Variants in DYNC1I1 observed in about 807,000 individuals in gnomAD.
DYNC1I1 encodes the protein dynein cytoplasmic 1 intermediate chain 1.
DYNC1I1 carries 43 observed loss-of-function variants against 86.6 expected under a neutral mutation model. The observed-to-expected ratio is 0.50, with a 90% CI of 0.39 to 0.64. The LOEUF (loss-of-function observed/expected upper bound fraction) is 0.64. DYNC1I1 is among the 30% of genes least tolerant of loss of function. The pLI, the probability that DYNC1I1 is intolerant of heterozygous loss-of-function variation, is 0.00. For synonymous variants in DYNC1I1, 262 were observed against 283.7 expected, an observed-to-expected ratio of 0.92 and a Z score of 0.77; for missense variants, 604 against 788.8, an observed-to-expected ratio of 0.77 and a Z score of 2.81.
intron 5 of DYNC1I1, among the ~76,000 whole-genome samples, chr7:95,833,946 A>G (rs1788997708): frequency 7.1e-6 from 1 of 141,144 alleles, no homozygotes; most frequent in African/African-American, 2.8e-5. Context: ...TCTTTTCCTA[A>G]TTGAATACCC....
intron 10 of DYNC1I1, among the ~76,000 whole-genome samples, chr7:96,014,326 G>A (rs1794351078): frequency 6.6e-6 from 1 of 152,164 alleles, no homozygotes; most frequent in Non-Finnish European, 1.5e-5. Context: ...TGAGTCTCCT[G>A]ACTCCCTTTT....
At chr7:96,066,537 T>G (rs1789995310) in intron 14 of DYNC1I1, among the ~76,000 whole-genome samples, 1 of 152,356 alleles carries the variant, frequency 6.6e-6, no homozygotes, top group South Asian at 2.1e-4. Context: ...GGAATTTATA[T>G]TCTTCCTTTC....
At chr7:95,967,015 G>A (rs898253226) in intron 6 of DYNC1I1, among the ~76,000 whole-genome samples, 1 of 152,048 alleles carries the variant, frequency 6.6e-6, no homozygotes, top group Non-Finnish European at 1.5e-5. Context: ...CTGAGAAAAC[G>A]TCCTTTTTAG....
At chr7:95,812,064 G>T (rs1170426339) in intron 3 of DYNC1I1, among the ~76,000 whole-genome samples, 2 of 152,170 alleles carry the variant, frequency 1.3e-5, no homozygotes, top group East Asian at 3.9e-4. Flanking sequence ...CCATCTCTTC[G>T]ACTTACCCTC....
At chr7:95,869,788 G>A (rs1790113499) in intron 5 of DYNC1I1, 95 bp from the exon 6 acceptor site, 1 of 1,185,068 alleles carries the variant, frequency 8.4e-7, no homozygotes, top group Non-Finnish European at 1.2e-6. Context: ...GAGGGTATTT[G>A]TGGTTTGTTT....
At chr7:96,003,127 G>A (rs1393836136) in intron 10 of DYNC1I1, among the ~76,000 whole-genome samples, 5 of 152,226 alleles carry the variant, frequency 3.3e-5, no homozygotes, top group African/African-American at 7.2e-5. Flanking sequence ...ACAGGCGTGA[G>A]CCATTGTACC....
intron 10 of DYNC1I1, among the ~76,000 whole-genome samples, chr7:95,998,206 C>T (rs1793918986): frequency 6.6e-6 from 1 of 152,306 alleles, no homozygotes; most frequent in East Asian, 1.9e-4. Context: ...TTAGAGGTTA[C>T]CCAGCTAGTG....
chr7:95,863,713 A>G (rs570124373), intron 5 of DYNC1I1, among the ~76,000 whole-genome samples: 2 of 152,118 alleles, frequency 1.3e-5, no homozygotes, highest in African/African-American at 4.8e-5. Context: ...CCTTCATCAC[A>G]TGTAGGCACA....
chr7:95,962,009 A>T (rs1205810173), intron 6 of DYNC1I1, among the ~76,000 whole-genome samples: 3 of 152,188 alleles, frequency 2.0e-5, no homozygotes, highest in South Asian at 2.1e-4. Flanking sequence ...ACCCACAAGT[A>T]AGCAGTCTGT....
intron 8 of DYNC1I1, among the ~76,000 whole-genome samples, chr7:95,986,628 A>C (rs1415198820): frequency 6.6e-6 from 1 of 152,162 alleles, no homozygotes; most frequent in Non-Finnish European, 1.5e-5. Flanking sequence ...AAAAACATGC[A>C]TATCATTTCC....
chr7:95,907,621 A>G (rs1240115617), intron 6 of DYNC1I1, among the ~76,000 whole-genome samples: 1 of 151,912 alleles, frequency 6.6e-6, no homozygotes, highest in Non-Finnish European at 1.5e-5. Context: ...AAAGCCCAAG[A>G]CTCATCTCCT....
chr7:95,893,267 G>A (rs1790791888), intron 6 of DYNC1I1, among the ~76,000 whole-genome samples: 1 of 152,130 alleles, frequency 6.6e-6, no homozygotes, highest in African/African-American at 2.4e-5. Context: ...ATATAAATAA[G>A]GGAGTGCTTT....
intron 14 of DYNC1I1, among the ~76,000 whole-genome samples, chr7:96,071,898 C>T (rs1469481709): frequency 6.6e-5 from 10 of 152,198 alleles, no homozygotes; most frequent in African/African-American, 2.4e-4. Flanking sequence ...TAAATAAGGA[C>T]TGAAGGTCAT....
intron 3 of DYNC1I1, among the ~76,000 whole-genome samples, chr7:95,812,142 C>G (rs770627583): frequency 2.0e-5 from 3 of 152,240 alleles, no homozygotes; most frequent in East Asian, 1.9e-4. Flanking sequence ...CCTAGCTTCT[C>G]GACAGATCTG....
chr7:95,917,753 CT>C (rs1317492553), intron 6 of DYNC1I1, among the ~76,000 whole-genome samples: 3 of 152,192 alleles, frequency 2.0e-5, no homozygotes, highest in Non-Finnish European at 4.4e-5. Context: ...TTTTCTTCAC[CT>C]TGTGGGCACT....
chr7:96,109,935 G>A (rs1791286689), intron 16 of DYNC1I1: 5 of 286,112 alleles, frequency 1.7e-5, no homozygotes, highest in South Asian at 1.2e-4. Flanking sequence ...TTCTATATAT[G>A]TACTGATTTT....
In DYNC1I1 at chr7:95,941,629, G is replaced by C. The variant is rs115713860; in HGVS notation, c.491-35883G>C. 6.7e-3 allele frequency among the ~76,000 whole-genome samples: 1,022 copies of C among 152,316 alleles called. 15 individuals carry two copies. The highest frequency in any genetic ancestry group is 0.023 in the African/African-American group (947 of 41,574). On this transcript the variant is annotated intron_variant, in intron 6 of 16. Coordinates refer to ENST00000447467, the MANE Select transcript of DYNC1I1 (RefSeq NM_001135556.2). ...GCCAGGTGCAGGATATAATCTCCTC[G>C]TGTGCTGTTTTTTAAGCCCGTTGGA... is the stretch of plus-strand genomic sequence containing the variant.
chr7:96,076,660 AT>A (rs913478467), intron 15 of DYNC1I1, among the ~76,000 whole-genome samples: 5 of 152,312 alleles, frequency 3.3e-5, no homozygotes, highest in Admixed American at 3.3e-4. Context: ...TCTGTTGACT[AT>A]TTTATGTTTA....
intron 5 of DYNC1I1, among the ~76,000 whole-genome samples, chr7:95,836,974 G>A (rs1789112789): frequency 6.6e-6 from 1 of 151,222 alleles, no homozygotes. Flanking sequence ...AGCTCGTCAA[G>A]GTCGTTCTCC....
Sources: allele counts gnomAD v4.1 joint callset (sites outside exome capture counted in the v4.1 genomes callset), GRCh38; gene constraint gnomAD v4.1.1; transcripts MANE v1.5; gene names NCBI Gene and HGNC (gene_info 2026-07-23, HGNC 2026-07-21).